Variants in ROBO1 observed in about 807,000 individuals in gnomAD.
ROBO1 encodes roundabout homolog 1.
In ROBO1, 149 loss-of-function variants were observed where a neutral mutation model predicts 195.9. The ratio of observed to expected loss-of-function variants is 0.76; its 90% confidence interval spans 0.67 to 0.87. The LOEUF is 0.87. Ranked by LOEUF, ROBO1 falls within the 40% of genes least tolerant of loss-of-function variation. The pLI, the probability that ROBO1 is intolerant of heterozygous loss-of-function variation, is 0.00. For missense variants in ROBO1, 1,933 were observed against 2,068.3 expected (o/e 0.93, Z 1.27); for synonymous variants, 816 against 733.2 (o/e 1.11, Z -1.82).
At chr3:79,644,892 A>G (rs1275281593) in intron 1 of ROBO1, among the ~76,000 whole-genome samples, 1 of 151,748 alleles carries the variant, frequency 6.6e-6, no homozygotes, top group Non-Finnish European at 1.5e-5. Context: ...TAAAACCAGA[A>G]ATCAACAACA....
chr3:79,045,671 T>C lies in ROBO1; in HGVS notation c.172+79785A>G, dbSNP rs140995583. Among the ~76,000 whole-genome samples the C allele has an allele frequency of 3.6e-3, 547 of 152,228 alleles. 7 individuals are homozygous for C. Among genetic ancestry groups the C allele is most frequent in the African/African-American group, 0.012 (507 of 41,552 alleles). ...TATTGTGCATTAAAAAAATCCATTT[T>C]TAAGGAACTAGACGGTGCCCTACAA... On this transcript the variant is annotated intron_variant, in intron 3 of 30. Coordinates refer to ENST00000464233, the MANE Select transcript of ROBO1 (RefSeq NM_002941.4).
intron 4 of ROBO1, among the ~76,000 whole-genome samples, chr3:78,800,256 TAAC>T (rs756425100): frequency 2.0e-5 from 3 of 151,958 alleles, no homozygotes; most frequent in Non-Finnish European, 2.9e-5. Context: ...AACGAAAAAA[TAAC>T]AACAAGATAA....
intron 2 of ROBO1, among the ~76,000 whole-genome samples, chr3:79,581,158 T>A (rs370925294): frequency 2.0e-5 from 3 of 151,958 alleles, no homozygotes; most frequent in African/African-American, 7.3e-5. Context: ...TTATTTTTTT[T>A]ACCAAGGCTT....
intron 2 of ROBO1, among the ~76,000 whole-genome samples, chr3:79,579,269 GT>G (rs1943586711): frequency 6.6e-6 from 1 of 152,256 alleles, no homozygotes; most frequent in South Asian, 2.1e-4. Context: ...GTCGGTAAAT[GT>G]TATTGTTATT....
intron 5 of ROBO1, among the ~76,000 whole-genome samples, chr3:78,728,424 T>C (rs1358911993): frequency 6.8e-6 from 1 of 146,466 alleles, no homozygotes; most frequent in East Asian, 2.0e-4. Context: ...TGTATACCAA[T>C]ATTCATAAGA....
At chr3:79,520,948 G>T (rs1030256764) in intron 2 of ROBO1, among the ~76,000 whole-genome samples, 2 of 152,042 alleles carry the variant, frequency 1.3e-5, no homozygotes, top group Non-Finnish European at 2.9e-5. Context: ...TCAATGTAGA[G>T]ACAGACAATA....
chr3:78,645,291 G>A (rs1425443903), intron 21 of ROBO1, among the ~76,000 whole-genome samples: 1 of 151,776 alleles, frequency 6.6e-6, no homozygotes, highest in Non-Finnish European at 1.5e-5. Flanking sequence ...CTTGAATTTA[G>A]GAATAATATC....
chr3:79,264,732 T>G (rs1326113341), intron 2 of ROBO1, among the ~76,000 whole-genome samples: 1 of 151,980 alleles, frequency 6.6e-6, no homozygotes, highest in Non-Finnish European at 1.5e-5. Context: ...GAATACATTT[T>G]GAAGCTTCAT....
At chr3:79,057,182 T>C (rs184868374) in intron 3 of ROBO1, among the ~76,000 whole-genome samples, 1 of 152,188 alleles carries the variant, frequency 6.6e-6, no homozygotes, top group Admixed American at 6.5e-5. Flanking sequence ...AAAATGCTGG[T>C]TATGTAGGTC....
intron 2 of ROBO1, among the ~76,000 whole-genome samples, chr3:79,438,665 A>T (rs2038961592): frequency 6.6e-6 from 1 of 152,080 alleles, no homozygotes; most frequent in African/African-American, 2.4e-5. Flanking sequence ...GAGAGGAATG[A>T]TAGCAAATTG....
chr3:79,453,260 G>A (rs961512284), intron 2 of ROBO1, among the ~76,000 whole-genome samples: 1 of 152,036 alleles, frequency 6.6e-6, no homozygotes, highest in African/African-American at 2.4e-5. Flanking sequence ...GCCATCAAAT[G>A]CAAAAGACCA....
intron 2 of ROBO1, among the ~76,000 whole-genome samples, chr3:79,581,990 T>A (rs1274745006): frequency 2.6e-5 from 4 of 151,974 alleles, no homozygotes; most frequent in Non-Finnish European, 4.4e-5. Context: ...TGTTAATATC[T>A]ATACAAGGAA....
At chr3:79,689,200 A>G (rs964239294) in intron 1 of ROBO1, among the ~76,000 whole-genome samples, 12 of 152,040 alleles carry the variant, frequency 7.9e-5, no homozygotes, top group Admixed American at 5.9e-4. Context: ...TTGATTTTAA[A>G]GTACATGTAA....
At chr3:79,018,874 G>C (rs1031220341) in intron 3 of ROBO1, 4 of 1,003,478 alleles carry the variant, frequency 4.0e-6, no homozygotes, top group Non-Finnish European at 4.8e-6. Flanking sequence ...GCAAAGTTGG[G>C]GTGTGAGAGC....
intron 1 of ROBO1, among the ~76,000 whole-genome samples, chr3:79,686,664 A>C (rs1055553961): frequency 1.3e-5 from 2 of 152,118 alleles, no homozygotes; most frequent in East Asian, 1.9e-4. Flanking sequence ...TTACAAGGGA[A>C]GTGAAGGACC....
intron 2 of ROBO1, among the ~76,000 whole-genome samples, chr3:79,428,272 T>G (rs548869475): frequency 1.2e-4 from 19 of 152,108 alleles, no homozygotes; most frequent in Admixed American, 1.1e-3. Context: ...ACACCTACTA[T>G]GTACCCACAA....
At chr3:78,983,012 A>T (rs1408914684) in intron 3 of ROBO1, among the ~76,000 whole-genome samples, 1 of 152,072 alleles carries the variant, frequency 6.6e-6, no homozygotes, top group Admixed American at 6.6e-5. Context: ...GGCTCCAGGG[A>T]TCCTCCCACC....
chr3:78,717,928 C>T, intron 5 of ROBO1, 45 bp from the exon 6 acceptor site: 1 of 1,598,012 alleles, frequency 6.3e-7, no homozygotes, highest in Non-Finnish European at 8.6e-7. Context: ...ATTGCTTCAG[C>T]TATGTTTACA....
chr3:79,497,082 A>C (rs942470966), intron 2 of ROBO1, among the ~76,000 whole-genome samples: 16 of 152,226 alleles, frequency 1.1e-4, no homozygotes, highest in Admixed American at 2.0e-4. Context: ...GGAGAAGCAG[A>C]AGGTAAGAGA....
Sources: allele counts gnomAD v4.1 joint callset (sites outside exome capture counted in the v4.1 genomes callset), GRCh38; gene constraint gnomAD v4.1.1; transcripts MANE v1.5; gene names NCBI Gene and HGNC (gene_info 2026-07-23, HGNC 2026-07-21).